The following SLC25A16 variants were observed in gnomAD, a reference collection of about 807,000 sequenced individuals.
The protein encoded by SLC25A16 is mitochondrial coenzyme A transporter SLC25A16.
A neutral mutation model predicts 41.5 loss-of-function variants in SLC25A16; 39 were observed. That is an observed-to-expected ratio of 0.94 (90% CI 0.73 to 1.23). The LOEUF (loss-of-function observed/expected upper bound fraction) is 1.23. Among genes scored for constraint, SLC25A16 ranks in the 50% most tolerant of loss-of-function variants. The probability of loss-of-function intolerance (pLI) is 0.00; values close to 1 mark genes in which losing one functional copy is unlikely to be tolerated. For missense variants in SLC25A16, 421 were observed against 426.9 expected, an observed-to-expected ratio of 0.99 and a Z score of 0.12; for synonymous variants, 146 against 147.8, an observed-to-expected ratio of 0.99 and a Z score of 0.09.
chr10:68,494,499 G>A (rs1423186792), intron 4 of SLC25A16, among the ~76,000 whole-genome samples: 3 of 143,702 alleles, frequency 2.1e-5, no homozygotes, highest in African/African-American at 7.5e-5. Context: ...AGGGGAGGAG[G>A]GAGGGGAGGA....
intron 1 of SLC25A16, among the ~76,000 whole-genome samples, chr10:68,522,144 CAGAG>C (rs565551314): frequency 5.8e-4 from 85 of 146,876 alleles, no homozygotes; most frequent in Non-Finnish European, 9.4e-4. Flanking sequence ...GCCTGGACAA[CAGAG>C]AGAGACTCTG....
chr10:68,526,946 G>T (rs767361320), intron 1 of SLC25A16, among the ~76,000 whole-genome samples: 18 of 152,074 alleles, frequency 1.2e-4, no homozygotes, highest in Non-Finnish European at 1.8e-4. Flanking sequence ...AAAACCCCAG[G>T]GTCTCTGTAA....
At chr10:68,505,879 A>G (rs2795902) in intron 3 of SLC25A16, among the ~76,000 whole-genome samples, 150,870 of 151,814 alleles carry the variant, frequency 0.99, 74,971 homozygotes, top group Middle Eastern at 1. Flanking sequence ...CTAAAAATAC[A>G]AAAATTAGCT....
At chr10:68,524,712 A>C (rs1048988714) in intron 1 of SLC25A16, among the ~76,000 whole-genome samples, 2 of 148,396 alleles carry the variant, frequency 1.3e-5, no homozygotes, top group Non-Finnish European at 3.0e-5. Flanking sequence ...CATCTCAAAA[A>C]AAAAAAAAAA....
chr10:68,504,150 G>A (rs2052908756), intron 3 of SLC25A16, among the ~76,000 whole-genome samples: 1 of 150,268 alleles, frequency 6.7e-6, no homozygotes, highest in Non-Finnish European at 1.5e-5. Context: ...CCAAGTAGCT[G>A]GGACTACAGC....
chr10:68,511,952 G>A (rs1024342902), intron 2 of SLC25A16, among the ~76,000 whole-genome samples: 1 of 152,056 alleles, frequency 6.6e-6, no homozygotes, highest in Non-Finnish European at 1.5e-5. Flanking sequence ...TACCTCCTGG[G>A]TTCAAGCAAT....
intron 2 of SLC25A16, among the ~76,000 whole-genome samples, chr10:68,509,535 T>G (rs1477870019): frequency 6.6e-6 from 1 of 151,742 alleles, no homozygotes; most frequent in Admixed American, 6.6e-5. Context: ...GACAACATAG[T>G]GAGACACCAT....
rs767798257 is a variant in SLC25A16 at position 68,506,717 on chromosome 10, T to C, written c.225A>G (p.Gly75=). 1.9e-6 allele frequency: 3 copies of C among 1,559,608 alleles called. No individual in the cohort carries two copies. Among genetic ancestry groups the C allele is most frequent in the Non-Finnish European group, 2.6e-6 (3 of 1,154,526 alleles). Reference sequence around the variant, plus strand: ...GAACAGCACGCAATGCAGAAAATACTCCTATTTTTAGAGGAAAAATGCTGT... The same window carrying C: ...GAACAGCACGCAATGCAGAAAATACCCCTATTTTTAGAGGAAAAATGCTGT... ...QAHNHHYKHL[G]VFSALRAVPQ... is the part of the protein sequence containing the mutation. The change falls in exon 3 of 9, where the codon GGA becomes GGG. Residue 75 remains glycine (G), a splice_region_variant and synonymous_variant. Transcript: ENST00000609923.
intron 1 of SLC25A16, among the ~76,000 whole-genome samples, chr10:68,520,637 C>T (rs552325450): frequency 6.6e-6 from 1 of 152,120 alleles, no homozygotes; most frequent in East Asian, 1.9e-4. Flanking sequence ...CATGGAGAAA[C>T]ACTATCTCTA....
At chr10:68,490,893 T>G (rs559638110) in intron 6 of SLC25A16, among the ~76,000 whole-genome samples, 1 of 151,720 alleles carries the variant, frequency 6.6e-6, no homozygotes, top group Non-Finnish European at 1.5e-5. Flanking sequence ...AAATATACTT[T>G]TTTTTTTTGA....
At chr10:68,522,053 A>C (rs2053259370) in intron 1 of SLC25A16, among the ~76,000 whole-genome samples, 2 of 151,794 alleles carry the variant, frequency 1.3e-5, no homozygotes, top group Non-Finnish European at 2.9e-5. Flanking sequence ...GTCCCAGCTA[A>C]TCGGGAGGTT....
At chr10:68,516,723 T>G in intron 2 of SLC25A16, 28 bp downstream of exon 2, 1 of 1,441,340 alleles carries the variant, frequency 6.9e-7, no homozygotes, top group Non-Finnish European at 9.6e-7. Flanking sequence ...TTTTCATTCA[T>G]TTTTATCTTT....
At chr10:68,524,043 G>GTGA (rs2053291625) in intron 1 of SLC25A16, among the ~76,000 whole-genome samples, 2 of 131,442 alleles carry the variant, frequency 1.5e-5, no homozygotes, top group African/African-American at 6.0e-5. Flanking sequence ...AGACCAGGTG[G>GTGA]CTCACGCCTG....
At chr10:68,500,957 A>C (rs1449190360) in intron 4 of SLC25A16, among the ~76,000 whole-genome samples, 1 of 150,768 alleles carries the variant, frequency 6.6e-6, no homozygotes, top group Non-Finnish European at 1.5e-5. Flanking sequence ...AGATAATTAC[A>C]AAGTGATATA....
chr10:68,504,557 T>A (rs1438821146), intron 3 of SLC25A16, among the ~76,000 whole-genome samples: 1 of 151,676 alleles, frequency 6.6e-6, no homozygotes, highest in Non-Finnish European at 1.5e-5. Context: ...TGCCTCAGCC[T>A]CCTGAGTAGC....
intron 8 of SLC25A16, 98 bp downstream of exon 8, chr10:68,487,046 A>G (rs1302016676): frequency 1.2e-6 from 1 of 821,594 alleles, no homozygotes; most frequent in Non-Finnish European, 2.0e-6. Context: ...GATAAAACGG[A>G]AGATACAGAC....
At chr10:68,522,508 G>A (rs866541869) in intron 1 of SLC25A16, among the ~76,000 whole-genome samples, 18 of 151,990 alleles carry the variant, frequency 1.2e-4, no homozygotes, top group Middle Eastern at 6.8e-3. Context: ...GGTGAAACCC[G>A]GTCTCCACTG....
intron 7 of SLC25A16, among the ~76,000 whole-genome samples, chr10:68,487,967 C>A (rs2052592401): frequency 6.6e-6 from 1 of 152,072 alleles, no homozygotes; most frequent in Non-Finnish European, 1.5e-5. Context: ...AATTCTCTGC[C>A]TCAACCTCCC....
chr10:68,505,696 T>C (rs890861251), intron 3 of SLC25A16, among the ~76,000 whole-genome samples: 1 of 152,074 alleles, frequency 6.6e-6, no homozygotes, highest in East Asian at 1.9e-4. Flanking sequence ...ATCATGTCAT[T>C]GCACTCCAGC....
Sources: allele counts gnomAD v4.1 joint callset (sites outside exome capture counted in the v4.1 genomes callset), GRCh38; gene constraint gnomAD v4.1.1; transcripts MANE v1.5; gene names NCBI Gene and HGNC (gene_info 2026-07-23, HGNC 2026-07-21).